SLIRP: variants seen among roughly 807,000 people sequenced by gnomAD.
SLIRP encodes the protein SRA stem-loop interacting RNA binding protein.
Under a neutral mutation model 13.4 loss-of-function variants are expected in SLIRP, and 12 were observed. The observed-to-expected ratio is 0.89, with a 90% CI of 0.57 to 1.45. The LOEUF is 1.45. Ranked by LOEUF, SLIRP falls within the 40% of genes most tolerant of loss-of-function variation. The pLI, the probability that SLIRP is intolerant of heterozygous loss-of-function variation, is 0.00. For missense variants in SLIRP, 154 were observed against 132.2 expected, an observed-to-expected ratio of 1.17 and a Z score of -0.81; for synonymous variants, 55 against 47.1, an observed-to-expected ratio of 1.17 and a Z score of -0.69.
chr14:77,714,826 G>A (rs951416765), intron 2 of SLIRP, among the ~76,000 whole-genome samples: 7 of 152,108 alleles, frequency 4.6e-5, no homozygotes, highest in African/African-American at 1.2e-4. Flanking sequence ...AGACTAATGA[G>A]GACCAGTTTG....
chr14:77,717,498 C>G lies in SLIRP; in HGVS notation c.267C>G (p.Val89=). The G allele has an allele frequency of 6.2e-7, 1 of 1,613,604 alleles. No homozygotes were observed. Among genetic ancestry groups the G allele is most frequent in the Non-Finnish European group, 8.5e-7 (1 of 1,179,860 alleles). Residue 89 remains valine, a splice_region_variant and synonymous_variant, in exon 4 of 4, where the codon GTC becomes GTG. Coordinates refer to ENST00000557342, the MANE Select transcript of SLIRP (RefSeq NM_031210.6). ...CTTACAGTGCTTATTTTTTTAAGGT[C>G]CAGGTTCACACTAGAAGGCCAAAAC... is the stretch of plus-strand genomic sequence containing the variant. ...QENHIIDGVK[V]QVHTRRPKLP...
At position 77,708,104 on chromosome 14, in the gene SLIRP, G is replaced by A. The variant is rs758293946; in HGVS notation, c.-8G>A. The A allele has an allele frequency of 3.7e-6, 6 of 1,613,920 alleles. No individual in the cohort carries two copies. The highest frequency in any genetic ancestry group is 2.5e-6 in the Non-Finnish European group (3 of 1,180,000). ...GACCTCGGCTCGAGAAGGTGCTTTA[G>A]TCTGAAGATGGCGGCCTCAGCAGCG... On this transcript the variant is annotated 5_prime_UTR_variant, in exon 1 of 4. Transcript: ENST00000557342.
chr14:77,712,181 C>T (rs1324909306), intron 2 of SLIRP: 2 of 152,152 alleles, frequency 1.3e-5, no homozygotes, highest in East Asian at 3.8e-4. Flanking sequence ...GCTATATATT[C>T]CAGGTGTCAG....
chr14:77,708,334 G>A, intron 1 of SLIRP, 126 bp downstream of exon 1: 1 of 929,510 alleles, frequency 1.1e-6, no homozygotes, highest in South Asian at 1.6e-5. Flanking sequence ...GAGCATGCAA[G>A]TGAGCAGAAA....
intron 1 of SLIRP, among the ~76,000 whole-genome samples, chr14:77,709,218 G>A (rs1408111032): frequency 6.6e-6 from 1 of 152,198 alleles, no homozygotes; most frequent in Non-Finnish European, 1.5e-5. Context: ...GTTTTGAGAT[G>A]AGGTTTTTAT....
intron 2 of SLIRP, among the ~76,000 whole-genome samples, chr14:77,714,585 A>C (rs985604669): frequency 3.9e-5 from 6 of 152,180 alleles, no homozygotes; most frequent in African/African-American, 1.4e-4. Flanking sequence ...GAGCCACTGC[A>C]CCTGGCCTAT....
At chr14:77,717,421 C>CTT (rs2080495135) in intron 3 of SLIRP, 75 bp from the exon 4 acceptor site, 1 of 1,266,964 alleles carries the variant, frequency 7.9e-7, no homozygotes, top group African/African-American at 1.5e-5. Context: ...TACTGACTCC[C>CTT]TAATAAAGTG....
chr14:77,714,560 C>A (rs2080462256), intron 2 of SLIRP, among the ~76,000 whole-genome samples: 1 of 152,226 alleles, frequency 6.6e-6, no homozygotes. Flanking sequence ...CTCAGCCTCC[C>A]AAAGTGCTGG....
rs552220917 is a variant in SLIRP, at chr14:77,715,899, A to G, written c.264+20A>G. 5.2e-6 allele frequency: 8 copies of G among 1,536,434 alleles called. No homozygotes were observed. In the East Asian group the frequency reaches 1.3e-4, roughly 26 times the overall value. Reference sequence around the variant, plus strand: ...GTAAAGGTAAATTTATTTCTATGCCAGATACATACATGATATACATGTAGG... The same window carrying G: ...GTAAAGGTAAATTTATTTCTATGCCGGATACATACATGATATACATGTAGG... On this transcript the variant is annotated intron_variant, in intron 3 of 3. Transcript: ENST00000557342.
At chr14:77,710,007 T>C (rs527438386) in intron 1 of SLIRP, among the ~76,000 whole-genome samples, 1 of 152,294 alleles carries the variant, frequency 6.6e-6, no homozygotes, top group Non-Finnish European at 1.5e-5. Flanking sequence ...TTAGAACAAA[T>C]ATAGGCAATT....
rs1370562312 is a variant in SLIRP at position 77,717,479 on chromosome 14, G to C, written c.265-17G>C. 1 of 1,610,940 alleles carries C rather than the reference G, an allele frequency of 6.2e-7. No homozygotes were observed. Among genetic ancestry groups the C allele is most frequent in the South Asian group, 1.1e-5 (1 of 90,334 alleles). On this transcript the variant is annotated splice_polypyrimidine_tract_variant and intron_variant, in intron 3 of 3. Coordinates refer to ENST00000557342, the MANE Select transcript of SLIRP (RefSeq NM_031210.6). Reference sequence around the variant, plus strand: ...CAGACATTGCCTTTCCTCCCTTACAGTGCTTATTTTTTTAAGGTCCAGGTT... The same window carrying C: ...CAGACATTGCCTTTCCTCCCTTACACTGCTTATTTTTTTAAGGTCCAGGTT...
chr14:77,709,838 G>A (rs564397099), intron 1 of SLIRP, among the ~76,000 whole-genome samples: 2 of 152,138 alleles, frequency 1.3e-5, no homozygotes, highest in Non-Finnish European at 2.9e-5. Context: ...TTAACCATTA[G>A]AGCCCTTCAA....
In SLIRP at chr14:77,708,144, G is replaced by A. The variant is rs756233740; in HGVS notation, c.33G>A (p.Ala11=). The change falls in exon 1 of 4, where the codon GCG becomes GCA. Residue 11 remains alanine (A), a synonymous_variant. Transcript: ENST00000557342. The part of the protein sequence containing the change: MAASAARGAA[A]LRRSINQPVA... ...CCTCAGCAGCGAGAGGTGCTGCGGC[G>A]CTGCGTAGAAGTATCAATCAGCCGG... 2.5e-6 allele frequency: 4 copies of A among 1,614,168 alleles called. No homozygotes were observed. The highest frequency in any genetic ancestry group is 1.3e-5 in the African/African-American group (1 of 75,042).
chr14:77,711,820 A>G (rs2080442787), intron 2 of SLIRP: 1 of 152,268 alleles, frequency 6.6e-6, no homozygotes, highest in African/African-American at 2.4e-5. Flanking sequence ...CGGCCTCCCA[A>G]AATGTTGAGA....
intron 2 of SLIRP, among the ~76,000 whole-genome samples, chr14:77,712,535 CCT>C (rs1384734808): frequency 6.6e-6 from 1 of 150,424 alleles, no homozygotes; most frequent in Non-Finnish European, 1.5e-5. Flanking sequence ...AGCTCTGCCT[CCT>C]GGGTTCACGC....
Position 77,710,543 on chromosome 14 carries a change from A to C in SLIRP, c.98-295A>C, listed in dbSNP as rs1358525125. ...GTAATTTGTCTTTTTCTTCATTGTG[A>C]TCTGCTCACAGGGATCATAGTCCAC... On this transcript the variant is annotated intron_variant, in intron 1 of 3. Coordinates refer to ENST00000557342, the MANE Select transcript of SLIRP (RefSeq NM_031210.6). 3.6e-6 allele frequency: 5 copies of C among 1,396,842 alleles called. No individual in the cohort carries two copies. The Admixed American group carries it at 1.1e-4, about 29-fold the overall frequency. 86.5% of individuals were successfully genotyped at this position (1,396,842 alleles called of 1,614,324 possible).
At position 77,715,754 on chromosome 14, in the gene SLIRP, T is replaced by C; in HGVS notation, c.157-18T>C. The C allele has an allele frequency of 6.3e-7, 1 of 1,596,432 alleles. No homozygotes were observed. Among genetic ancestry groups the C allele is most frequent in the Non-Finnish European group, 8.5e-7 (1 of 1,170,926 alleles). On this transcript the variant is annotated intron_variant, in intron 2 of 3. Transcript: ENST00000557342. ...CTGAAGTTCATGATTAATCTTTTCC[T>C]ATATTTTGAATTTTTAGGACAAGGA...
At chr14:77,716,982 C>T (rs1404217005) in intron 3 of SLIRP, among the ~76,000 whole-genome samples, 1 of 152,094 alleles carries the variant, frequency 6.6e-6, no homozygotes, top group Admixed American at 6.5e-5. Context: ...TCAGGCTGGT[C>T]TCAAACTCCT....
In SLIRP at chr14:77,710,672, T is replaced by A. The variant is rs1302385731; in HGVS notation, c.98-166T>A. The stretch of plus-strand genomic sequence containing the variant: ...CATCTCACCACCAAGTCTGGTACAT[T>A]ATGGCTTTATAGTCAGTACCATAGC... On this transcript the variant is annotated intron_variant, in intron 1 of 3. Coordinates refer to ENST00000557342, the MANE Select transcript of SLIRP (RefSeq NM_031210.6). The A allele has an allele frequency of 3.9e-6, 6 of 1,545,966 alleles. No homozygotes were observed. The East Asian group carries it at 1.2e-4, about 30-fold the overall frequency.
Sources: gnomAD v4.1 joint callset for allele counts (sites outside exome capture counted in the v4.1 genomes callset) on GRCh38, gnomAD v4.1.1 for gene constraint, MANE v1.5 for transcripts, NCBI Gene and HGNC (gene_info 2026-07-23, HGNC 2026-07-21) for gene names.